FBXO43: variants seen among roughly 807,000 people sequenced by gnomAD.
FBXO43 encodes F-box only protein 43.
Under a neutral mutation model 56.7 loss-of-function variants are expected in FBXO43, and 22 were observed. That is an observed-to-expected ratio of 0.39 (90% CI 0.28 to 0.55). The LOEUF is 0.55. Ranked by LOEUF, FBXO43 falls within the 20% of genes least tolerant of loss-of-function variation. The pLI is 0.66. For synonymous variants in FBXO43, 306 were observed against 294.5 expected (o/e 1.04, Z -0.40); for missense variants, 733 against 814.9 (o/e 0.90, Z 1.22).
chr8:100,133,746 T>C lies in FBXO43; in HGVS notation c.*56A>G. 3 of 1,518,042 alleles carry C rather than the reference T, an allele frequency of 2.0e-6. No homozygotes were observed. The highest frequency in any genetic ancestry group is 1.3e-5 in the South Asian group (1 of 74,864). 94.0% of individuals were successfully genotyped at this position (1,518,042 alleles called of 1,614,324 possible). A position where few individuals can be genotyped will look rare whatever the true frequency, so the allele number is the denominator to read the frequency against. Reference sequence around the variant, plus strand: ...GATTTGCATGTATTCAAAATATTCATAATTTTAAGTCAGATAAATAGAACA... The same window carrying C: ...GATTTGCATGTATTCAAAATATTCACAATTTTAAGTCAGATAAATAGAACA... On this transcript the variant is annotated 3_prime_UTR_variant, in exon 5 of 5. Transcript: ENST00000428847.
rs755293572 is a variant in FBXO43 at position 100,133,924 on chromosome 8, C to A, written c.2005G>T (p.Val669Leu). 6.2e-7 allele frequency: 1 copy of A among 1,614,166 alleles called. No homozygotes were observed. The highest frequency in any genetic ancestry group is 8.5e-7 in the Non-Finnish European group (1 of 1,180,020). ...SRTACGFDFC[V>L]LCLCAYHGSE... ...CCATGATAAGCACACAGACATAACA[C>A]ACAAAAGTCAAAACCACAGGCTGTT... Residue 669 changes from valine to leucine, a missense_variant, in exon 5 of 5, where the codon GTG becomes TTG. By Grantham distance (32) the Val-to-Leu change is conservative (BLOSUM62 1). Transcript: ENST00000428847.
chr8:100,137,594 A>G lies in FBXO43; in HGVS notation c.1645T>C (p.Tyr549His). ...GAATCTGTTTTCAGTTGTGTGATAT[A>G]AAATTTCCTCCTCCGATTTGCATTT... is the stretch of plus-strand genomic sequence containing the variant. ...DKNANRRRKF[Y>H]ITQLKTDSEG... is the part of the protein sequence containing the mutation. Residue 549 changes from tyrosine to histidine, a missense_variant, in exon 3 of 5, where the codon TAT (tyrosine) becomes CAT (histidine). Transcript: ENST00000428847. 1 of 1,612,304 alleles carries G rather than the reference A, an allele frequency of 6.2e-7. No individual in the cohort carries two copies.
rs1044831775 is a variant in FBXO43, at chr8:100,134,061, A to G, written c.1879-11T>C. 1 of 1,612,928 alleles carries G rather than the reference A, an allele frequency of 6.2e-7. No homozygotes were observed. The highest frequency in any genetic ancestry group is 8.5e-7 in the Non-Finnish European group (1 of 1,179,084). ...AAGTGTTTTGGCAACCTGCAGTGAA[A>G]GCACACACACTAAATCTTCTGGTTT... is the stretch of plus-strand genomic sequence containing the variant. On this transcript the variant is annotated splice_polypyrimidine_tract_variant and intron_variant, in intron 4 of 4. Coordinates refer to ENST00000428847, the MANE Select transcript of FBXO43 (RefSeq NM_001029860.4).
At chr8:100,135,046 G>C (rs902682928) in intron 3 of FBXO43, among the ~76,000 whole-genome samples, 2 of 152,118 alleles carry the variant, frequency 1.3e-5, no homozygotes, top group African/African-American at 4.8e-5. Context: ...AAATAAAAGA[G>C]AGAGAAAAAA....
chr8:100,140,491 C>T (rs1814604035), intron 2 of FBXO43, among the ~76,000 whole-genome samples, 192 bp downstream of exon 2: 1 of 151,818 alleles, frequency 6.6e-6, no homozygotes, highest in Admixed American at 6.6e-5. Context: ...CAAAACAAAA[C>T]AAAACAAAAC....
rs1814380511 is a variant in FBXO43, at chr8:100,133,838, TC to T, written c.2090del (p.Gly697GlufsTer9). The T allele has an allele frequency of 6.2e-7, 1 of 1,614,076 alleles. No homozygotes were observed. Among genetic ancestry groups the T allele is most frequent in the Non-Finnish European group, 8.5e-7 (1 of 1,180,044 alleles). On this transcript the variant is annotated frameshift_variant, in exon 5 of 5. Transcript: ENST00000428847. LOFTEE classifies it high-confidence loss of function. Reference sequence around the variant, plus strand: ...TTAAATTCCGCTTACTCTGGGCACTTCCTGGGAGAGCATCTTTTCTATTTCT... The same window carrying T: ...TTAAATTCCGCTTACTCTGGGCACTTCTGGGAGAGCATCTTTTCTATTTCT... ...KPRNRKDALP[G>X]SAQSKRNLKR...
At position 100,133,621 on chromosome 8, in the gene FBXO43, A is replaced by C. The variant is rs764635439; in HGVS notation, c.*181T>G. ...TAAAATGGGTAAAATGACATAGTAAAATAAAATTTTTTCAAAACAACTTTA... is the reference window on the plus strand; with the variant it reads ...TAAAATGGGTAAAATGACATAGTAACATAAAATTTTTTCAAAACAACTTTA... On this transcript the variant is annotated 3_prime_UTR_variant, in exon 5 of 5. Coordinates refer to ENST00000428847, the MANE Select transcript of FBXO43 (RefSeq NM_001029860.4). 11 of 620,126 alleles carry C rather than the reference A, an allele frequency of 1.8e-5. No individual in the cohort carries two copies. Among genetic ancestry groups the C allele is most frequent in the Non-Finnish European group, 2.7e-5 (11 of 400,228 alleles). 38.4% of individuals were successfully genotyped at this position (620,126 alleles called of 1,614,324 possible). A position where few individuals can be genotyped will look rare whatever the true frequency, so the allele number is the denominator to read the frequency against.
chr8:100,143,441 A>T (rs575606913), intron 1 of FBXO43, among the ~76,000 whole-genome samples: 146 of 152,356 alleles, frequency 9.6e-4, no homozygotes, highest in African/African-American at 3.2e-3. Flanking sequence ...TCATTAAAAG[A>T]TTATTTTTAC....
In FBXO43 at chr8:100,134,047, CA is replaced by C. The variant is rs1563750080; in HGVS notation, c.1881del (p.Ala628ProfsTer10). On this transcript the variant is annotated frameshift_variant and splice_region_variant, in exon 5 of 5. Coordinates refer to ENST00000428847, the MANE Select transcript of FBXO43 (RefSeq NM_001029860.4). LOFTEE classifies it high-confidence loss of function. Reference protein sequence around the residue: ...LSSKQEEYVKVAKTLFTDEAL... With the variant: ...LSSKQEEYVKXAKTLFTDEAL... The stretch of plus-strand genomic sequence containing the variant: ...GCTTCATCAGTAAAAAGTGTTTTGG[CA>C]ACCTGCAGTGAAAGCACACACACTA... The C allele has an allele frequency of 5.6e-6, 9 of 1,613,122 alleles. No homozygotes were observed. The highest frequency in any genetic ancestry group is 7.6e-6 in the Non-Finnish European group (9 of 1,179,344).
upstream of FBXO43, among the ~76,000 whole-genome samples, chr8:100,146,963 TC>T (rs374500151): frequency 3.9e-5 from 6 of 152,216 alleles, no homozygotes; most frequent in African/African-American, 1.2e-4. Context: ...TTCTCCTGCC[TC>T]AGCCTCCCGA....
rs1000580474 is a variant in FBXO43, at chr8:100,145,440, G to A, written c.-305C>T. 2 of 244,184 alleles carry A rather than the reference G, an allele frequency of 8.2e-6. No individual in the cohort carries two copies. Among genetic ancestry groups the A allele is most frequent in the Non-Finnish European group, 1.6e-5 (2 of 127,488 alleles). 15.1% of individuals were successfully genotyped at this position (244,184 alleles called of 1,614,324 possible). ...TCCCCCGAGGAGCTATGGCGGGCGG[G>A]TGGGTAACGGTCTCACCAGGGCGTC... On this transcript the variant is annotated 5_prime_UTR_variant, in exon 1 of 5. Transcript: ENST00000428847.
In FBXO43 at chr8:100,141,018, T is replaced by C; in HGVS notation, c.1236A>G (p.Ala412=). 6.2e-7 allele frequency: 1 copy of C among 1,614,254 alleles called. No individual in the cohort carries two copies. Among genetic ancestry groups the C allele is most frequent in the East Asian group, 2.2e-5 (1 of 44,894 alleles). Residue 412 remains alanine, a synonymous_variant, in exon 2 of 5, where the codon GCA becomes GCG. Coordinates refer to ENST00000428847, the MANE Select transcript of FBXO43 (RefSeq NM_001029860.4). ...IVHPDSEKRA[A]AASAISEGQL... ...GACCCTCTGAGATGGCAGAAGCAGC[T>C]GCTGCTCTTTTTTCAGAGTCAGGGT...
At chr8:100,135,820 G>C (rs1241350437) in intron 3 of FBXO43, among the ~76,000 whole-genome samples, 2 of 152,020 alleles carry the variant, frequency 1.3e-5, no homozygotes, top group Non-Finnish European at 2.9e-5. Flanking sequence ...TGGTCAGGCT[G>C]ATCTTGAACT....
At chr8:100,144,184 G>C (rs754336972) in intron 1 of FBXO43, among the ~76,000 whole-genome samples, 2 of 152,134 alleles carry the variant, frequency 1.3e-5, no homozygotes, top group Non-Finnish European at 2.9e-5. Context: ...AACAAAGTGG[G>C]GAATGCAGAT....
intron 2 of FBXO43, among the ~76,000 whole-genome samples, chr8:100,138,829 G>A (rs1329936270): frequency 6.6e-6 from 1 of 152,102 alleles, no homozygotes; most frequent in Non-Finnish European, 1.5e-5. Context: ...CTAGAGCCTA[G>A]GAGTTTGAGA....
chr8:100,140,929 G>A lies in FBXO43; in HGVS notation c.1325C>T (p.Ala442Val), dbSNP rs780005879. 6 of 1,614,030 alleles carry A rather than the reference G, an allele frequency of 3.7e-6. No individual in the cohort carries two copies. Among genetic ancestry groups the A allele is most frequent in the East Asian group, 4.5e-5 (2 of 44,894 alleles). The change falls in exon 2 of 5, where the codon GCC becomes GTC. Residue 442 changes from alanine (A) to valine (V), a missense_variant. Physicochemically the swap from Ala to Val is moderately conservative, Grantham distance 64. Transcript: ENST00000428847. ...FSLKNLSKTP[A>V]LQLVHELFMK... ...GAACAGCTCATGTACCAATTGCAAGGCTGGGGTCTTTGATAAATTCTTTAA... is the reference window on the plus strand; with the variant it reads ...GAACAGCTCATGTACCAATTGCAAGACTGGGGTCTTTGATAAATTCTTTAA...
chr8:100,134,895 A>T (rs1220509764), intron 3 of FBXO43, among the ~76,000 whole-genome samples: 1 of 152,202 alleles, frequency 6.6e-6, no homozygotes, highest in Non-Finnish European at 1.5e-5. Context: ...AAAGGGCCCC[A>T]GGAAGGATGT....
chr8:100,144,435 C>T (rs1025125584), intron 1 of FBXO43, among the ~76,000 whole-genome samples: 1 of 152,132 alleles, frequency 6.6e-6, no homozygotes, highest in African/African-American at 2.4e-5. Flanking sequence ...TCTACTACCC[C>T]AAGACGTTGG....
chr8:100,137,422 G>T, intron 3 of FBXO43, 143 bp downstream of exon 3: 1 of 591,272 alleles, frequency 1.7e-6, no homozygotes, highest in Non-Finnish European at 3.0e-6. Flanking sequence ...AATTGAGTTT[G>T]GGAAAACTAA....
Sources: gnomAD v4.1 joint callset for allele counts (sites outside exome capture counted in the v4.1 genomes callset) on GRCh38, gnomAD v4.1.1 for gene constraint, MANE v1.5 for transcripts, NCBI Gene and HGNC (gene_info 2026-07-23, HGNC 2026-07-21) for gene names.